LRP1B: variants seen among roughly 807,000 people sequenced by gnomAD.
The protein encoded by LRP1B is LDL receptor related protein 1B, also known as low-density lipoprotein receptor-related protein 1B.
In LRP1B, 217 loss-of-function variants were observed where a neutral mutation model predicts 556.6. The ratio of observed to expected loss-of-function variants is 0.39; its 90% CI spans 0.35 to 0.44. The LOEUF is 0.44. Ranked by LOEUF, LRP1B falls within the 20% of genes least tolerant of loss-of-function variation. LRP1B has a pLI of 1.00. For missense variants in LRP1B, 5,053 were observed against 5,620.8 expected (o/e 0.90, Z 3.23); for synonymous variants, 2,047 against 1,865.8 (o/e 1.10, Z -2.50).
chr2:141,743,597 C>T (rs1263218539), intron 2 of LRP1B, among the ~76,000 whole-genome samples: 1 of 146,042 alleles, frequency 6.8e-6, no homozygotes, highest in African/African-American at 2.5e-5. Context: ...GGGTCCCAGG[C>T]TTTTCTTTGC....
At chr2:141,748,499 CCT>C (rs1693991922) in intron 2 of LRP1B, among the ~76,000 whole-genome samples, 1 of 152,160 alleles carries the variant, frequency 6.6e-6, no homozygotes, top group Non-Finnish European at 1.5e-5. Flanking sequence ...TTATCAAGTG[CCT>C]CTGGGCAAGG....
chr2:141,919,127 T>A (rs1490081701), intron 1 of LRP1B, among the ~76,000 whole-genome samples: 1 of 152,106 alleles, frequency 6.6e-6, no homozygotes, highest in African/African-American at 2.4e-5. Context: ...TAAAATAGAA[T>A]CAAGTTTTAC....
At chr2:141,357,790 T>G (rs1688679688) in intron 3 of LRP1B, among the ~76,000 whole-genome samples, 1 of 152,218 alleles carries the variant, frequency 6.6e-6, no homozygotes, top group East Asian at 1.9e-4. Context: ...ACTATGAATA[T>G]GGAAATATAT....
rs146279911 is a variant in LRP1B, at chr2:140,407,766, A to G, written c.10415-21757T>C. 4.0e-3 allele frequency among the ~76,000 whole-genome samples: 607 copies of G among 152,092 alleles called. 12 individuals carry two copies. The highest frequency in any genetic ancestry group is 0.037 in the Admixed American group (561 of 15,250). On this transcript the variant is annotated intron_variant, in intron 66 of 90. Coordinates refer to ENST00000389484, the MANE Select transcript of LRP1B (RefSeq NM_018557.3). ...TAGTACAACCTCTTTGGAAAACGGT[A>G]TGGAAATTCCTTAAAGAACTAAGAA... is the stretch of plus-strand genomic sequence containing the variant.
At chr2:140,499,572 C>T (rs1301604185) in intron 55 of LRP1B, among the ~76,000 whole-genome samples, 1 of 151,798 alleles carries the variant, frequency 6.6e-6, no homozygotes, top group Non-Finnish European at 1.5e-5. Context: ...ATGGTACAGG[C>T]CATCATGCAC....
intron 1 of LRP1B, among the ~76,000 whole-genome samples, chr2:142,129,859 T>C (rs917026305): frequency 3.9e-5 from 6 of 152,242 alleles, no homozygotes; most frequent in East Asian, 3.9e-4. Flanking sequence ...GAAAAGTTTA[T>C]AGAATCCCGG....
intron 1 of LRP1B, among the ~76,000 whole-genome samples, chr2:141,872,659 T>C (rs1196914181): frequency 6.6e-6 from 1 of 151,796 alleles, no homozygotes; most frequent in Non-Finnish European, 1.5e-5. Context: ...AGAAAGGCCA[T>C]CTCAGGTCAT....
At chr2:140,427,154 C>T (rs1246610304) in intron 66 of LRP1B, among the ~76,000 whole-genome samples, 1 of 152,198 alleles carries the variant, frequency 6.6e-6, no homozygotes, top group East Asian at 1.9e-4. Flanking sequence ...GCAGCCTTCC[C>T]TTGGTGTTTA....
chr2:140,936,572 A>G (rs2105279874), intron 20 of LRP1B, among the ~76,000 whole-genome samples: 1 of 152,150 alleles, frequency 6.6e-6, no homozygotes, highest in South Asian at 2.1e-4. Context: ...AAAGGAAAAT[A>G]GAGAGTAACC....
rs111903741 is a variant in LRP1B at position 141,619,821 on chromosome 2, C to A, written c.206-139288G>T. Among the ~76,000 whole-genome samples the A allele has an allele frequency of 8.5e-3, 1,301 of 152,270 alleles. 22 individuals carry two copies. Among genetic ancestry groups the A allele is most frequent in the African/African-American group, 0.03 (1,249 of 41,538 alleles). ...TTATTTATCTCTTAAGGAAGCAATA[C>A]CTTCTGATAGAACTGTAAGTTGAGA... On this transcript the variant is annotated intron_variant, in intron 2 of 90. Coordinates refer to ENST00000389484, the MANE Select transcript of LRP1B (RefSeq NM_018557.3).
chr2:141,363,667 C>T (rs1281040574), intron 3 of LRP1B, among the ~76,000 whole-genome samples: 2 of 152,134 alleles, frequency 1.3e-5, no homozygotes, highest in East Asian at 3.9e-4. Flanking sequence ...CTTTTAGATA[C>T]TTCTCAAGAC....
intron 51 of LRP1B, among the ~76,000 whole-genome samples, chr2:140,514,449 A>C (rs1689797425): frequency 6.6e-6 from 1 of 152,000 alleles, no homozygotes; most frequent in Non-Finnish European, 1.5e-5. Context: ...ATTAAGGAAA[A>C]ATACCAAATA....
At chr2:140,703,502 T>C (rs971762760) in intron 37 of LRP1B, among the ~76,000 whole-genome samples, 9 of 152,200 alleles carry the variant, frequency 5.9e-5, no homozygotes, top group Admixed American at 2.6e-4. Context: ...CTGAAGTTTT[T>C]ATCCAACTAT....
intron 22 of LRP1B, among the ~76,000 whole-genome samples, chr2:140,907,463 T>C (rs534409684): frequency 1.3e-5 from 2 of 152,196 alleles, no homozygotes; most frequent in East Asian, 3.9e-4. Context: ...TTCCTAAAAA[T>C]CAGTTTCTAT....
chr2:140,357,763 T>C (rs188704040), intron 74 of LRP1B, among the ~76,000 whole-genome samples: 1 of 151,794 alleles, frequency 6.6e-6, no homozygotes, highest in Admixed American at 6.6e-5. Flanking sequence ...AGCTTCTGCT[T>C]TAACAAGGGT....
chr2:142,085,208 T>A (rs923075524), intron 1 of LRP1B, among the ~76,000 whole-genome samples: 11 of 152,194 alleles, frequency 7.2e-5, no homozygotes, highest in African/African-American at 2.7e-4. Flanking sequence ...CTAGTTTTTC[T>A]TGGAAAAATC....
At chr2:140,898,053 A>C (rs973950107) in intron 23 of LRP1B, among the ~76,000 whole-genome samples, 1 of 152,164 alleles carries the variant, frequency 6.6e-6, no homozygotes, top group East Asian at 1.9e-4. Flanking sequence ...GAAGATGCTC[A>C]TTCCAGAAAG....
At position 140,868,202 on chromosome 2, in the gene LRP1B, C is replaced by T. The variant is rs1490470679; in HGVS notation, c.4231G>A (p.Gly1411Ser). The change falls in exon 26 of 91, where the codon GGT becomes AGT. Residue 1411 changes from glycine to serine, a missense_variant. By Grantham distance (56) the Gly-to-Ser change is moderately conservative. This residue lies in a region of LRP1B where 3,619 missense variants were observed against 3,931.9 expected (regional missense o/e 0.92). Coordinates refer to ENST00000389484, the MANE Select transcript of LRP1B (RefSeq NM_018557.3). ...TTATAGATGGTTTTTCTCCCAGCAC[C>T]ACTCATAGAGGCAGATTCAATGCGA... ...FPRIESASMS[G>S]AGRKTIYKDM... 6.2e-7 allele frequency: 1 copy of T among 1,609,066 alleles called. No individual in the cohort carries two copies. The highest frequency in any genetic ancestry group is 8.5e-7 in the Non-Finnish European group (1 of 1,177,904).
chr2:140,507,623 G>C (rs1326774716), intron 52 of LRP1B, among the ~76,000 whole-genome samples: 8 of 152,014 alleles, frequency 5.3e-5, no homozygotes, highest in Non-Finnish European at 1.0e-4. Flanking sequence ...AAATTCAAAA[G>C]AACATAACTA....
Sources: allele counts gnomAD v4.1 joint callset (sites outside exome capture counted in the v4.1 genomes callset), GRCh38; gene constraint gnomAD v4.1.1; regional missense constraint gnomAD v4.1.1; transcripts MANE v1.5; gene names NCBI Gene and HGNC (gene_info 2026-07-23, HGNC 2026-07-21).